Variants in ZKSCAN5 observed in about 807,000 individuals in gnomAD.
The protein encoded by ZKSCAN5 is zinc finger protein with KRAB and SCAN domains 5.
ZKSCAN5 carries 28 observed loss-of-function variants against 60.0 expected under a neutral mutation model. The ratio of observed to expected loss-of-function variants is 0.47; its 90% CI spans 0.35 to 0.64. The LOEUF (loss-of-function observed/expected upper bound fraction) is 0.64, where lower values mean the gene tolerates loss of function less well. ZKSCAN5 is among the 30% of genes least tolerant of loss of function. ZKSCAN5 has a pLI of 0.01. For missense variants in ZKSCAN5, 881 were observed against 1,034.6 expected, an observed-to-expected ratio of 0.85 and a Z score of 2.04; for synonymous variants, 361 against 371.2, an observed-to-expected ratio of 0.97 and a Z score of 0.31.
intron 5 of ZKSCAN5, among the ~76,000 whole-genome samples, chr7:99,523,789 C>T (rs1801651911): frequency 2.0e-5 from 3 of 151,900 alleles, no homozygotes; most frequent in Non-Finnish European, 4.4e-5. Flanking sequence ...GTTTCAGTGT[C>T]TTTTTAGGAA....
At position 99,532,046 on chromosome 7, in the gene ZKSCAN5, C is replaced by T. The variant is rs748695982; in HGVS notation, c.2317C>T (p.His773Tyr). Reference protein sequence around the residue: ...HQKIYSSTKSHQCHECGRGFT... With the variant: ...HQKIYSSTKSYQCHECGRGFT... Reference sequence around the variant, plus strand: ...AAAAATCTACTCCAGCACAAAATCCCATCAATGTCATGAATGTGGCAGAGG... The same window carrying T: ...AAAAATCTACTCCAGCACAAAATCCTATCAATGTCATGAATGTGGCAGAGG... Residue 773 changes from histidine (H) to tyrosine (Y), a missense_variant, in exon 7 of 7, where the codon CAT becomes TAT. Around this residue, in one of 5 missense-constraint regions of ZKSCAN5, gnomAD observed 138 missense variants for 143.8 expected, o/e 0.96. Coordinates refer to ENST00000326775, the MANE Select transcript of ZKSCAN5 (RefSeq NM_145102.4). 4.3e-6 allele frequency: 7 copies of T among 1,614,212 alleles called. No individual in the cohort carries two copies. The highest frequency in any genetic ancestry group is 3.3e-5 in the Admixed American group (2 of 60,028).
At chr7:99,524,949 A>G (rs1417913922) in intron 5 of ZKSCAN5, among the ~76,000 whole-genome samples, 1 of 151,950 alleles carries the variant, frequency 6.6e-6, no homozygotes, top group Non-Finnish European at 1.5e-5. Flanking sequence ...CGGGCAGATC[A>G]CTAGGTCAGG....
intron 3 of ZKSCAN5, among the ~76,000 whole-genome samples, chr7:99,515,847 AAAAG>A (rs1206706037): frequency 2.0e-5 from 3 of 151,966 alleles, no homozygotes; most frequent in African/African-American, 2.4e-5. Flanking sequence ...AAAAAAAAAA[AAAAG>A]AAAGAAATTA....
chr7:99,521,525 TTA>T (rs1489912356), intron 5 of ZKSCAN5, among the ~76,000 whole-genome samples: 1 of 152,184 alleles, frequency 6.6e-6, no homozygotes, highest in African/African-American at 2.4e-5. Flanking sequence ...TTGAAAAACA[TTA>T]TGTCAGTTTA....
chr7:99,525,303 T>G (rs1475386789), intron 5 of ZKSCAN5, among the ~76,000 whole-genome samples: 1 of 151,644 alleles, frequency 6.6e-6, no homozygotes, highest in East Asian at 1.9e-4. Context: ...GAGACCCTCA[T>G]CTCTACAAAA....
chr7:99,526,793 G>A (rs1329200954), intron 6 of ZKSCAN5, among the ~76,000 whole-genome samples: 4 of 152,170 alleles, frequency 2.6e-5, no homozygotes, highest in African/African-American at 7.2e-5. Flanking sequence ...GACCTCAGGC[G>A]ATCTGCCTGC....
In ZKSCAN5 at chr7:99,506,452, ACAG is replaced by A. The variant is rs1226704620; in HGVS notation, c.412_414del (p.Gln138del). The A allele has an allele frequency of 6.2e-7, 1 of 1,608,796 alleles. No homozygotes were observed. Among genetic ancestry groups the A allele is most frequent in the Non-Finnish European group, 8.5e-7 (1 of 1,176,394 alleles). On this transcript the variant is annotated inframe_deletion, in exon 2 of 7. Transcript: ENST00000326775. ...TACAGCGAGAACTTGAGGAACGCAG[ACAG>A]CAGGTGAGTCAAAGAGAAGCTATAT...
At chr7:99,522,478 C>CT (rs757882299) in intron 5 of ZKSCAN5, among the ~76,000 whole-genome samples, 272 of 142,880 alleles carry the variant, frequency 1.9e-3, no homozygotes, top group Admixed American at 2.4e-3. Flanking sequence ...TTTGTTTCCC[C>CT]TTTTTTTTTT....
In ZKSCAN5 at chr7:99,531,355, C is replaced by T; in HGVS notation, c.1626C>T (p.Ser542=). 2.5e-6 allele frequency: 4 copies of T among 1,614,154 alleles called. No individual in the cohort carries two copies. The highest frequency in any genetic ancestry group is 3.4e-6 in the Non-Finnish European group (4 of 1,180,040). Residue 542 remains serine (S), a synonymous_variant, in exon 7 of 7, where the codon TCC becomes TCT. Coordinates refer to ENST00000326775, the MANE Select transcript of ZKSCAN5 (RefSeq NM_145102.4). ...YSEVPYVHKK[S]STGERPHKCN... Reference sequence around the variant, plus strand: ...AAGTCCCATATGTCCACAAAAAATCCTCCACTGGAGAGAGACCACATAAAT... The same window carrying T: ...AAGTCCCATATGTCCACAAAAAATCTTCCACTGGAGAGAGACCACATAAAT...
chr7:99,514,957 G>C (rs1408268322), intron 3 of ZKSCAN5, among the ~76,000 whole-genome samples: 1 of 151,816 alleles, frequency 6.6e-6, no homozygotes, highest in East Asian at 1.9e-4. Context: ...GCACACGCCT[G>C]TGGTCCCGGC....
chr7:99,532,263 T>C lies in ZKSCAN5; in HGVS notation c.*14T>C, dbSNP rs1253297146. Reference sequence around the variant, plus strand: ...TCTCTGTTGTAGAATAGCTCTTAATTTTAGAGAAACCTTCCTGGAGGGAAA... The same window carrying C: ...TCTCTGTTGTAGAATAGCTCTTAATCTTAGAGAAACCTTCCTGGAGGGAAA... On this transcript the variant is annotated 3_prime_UTR_variant, in exon 7 of 7. Transcript: ENST00000326775. 1 of 1,536,938 alleles carries C rather than the reference T, an allele frequency of 6.5e-7. No individual in the cohort carries two copies. The highest frequency in any genetic ancestry group is 2.3e-5 in the East Asian group (1 of 44,330).
intron 1 of ZKSCAN5, chr7:99,505,756 T>G: frequency 3.5e-6 from 1 of 286,650 alleles, no homozygotes. Context: ...TGATGTCAGA[T>G]TTGTATGGCT....
At chr7:99,512,696 T>G in intron 3 of ZKSCAN5, 105 bp downstream of exon 3, 2 of 1,425,310 alleles carry the variant, frequency 1.4e-6, no homozygotes, top group East Asian at 5.1e-5. Flanking sequence ...GAGCAGCCTC[T>G]CTACAGCCTG....
rs564568937 is a variant in ZKSCAN5 at position 99,514,354 on chromosome 7, A to G, written c.553+1763A>G. On this transcript the variant is annotated intron_variant, in intron 3 of 6. Coordinates refer to ENST00000326775, the MANE Select transcript of ZKSCAN5 (RefSeq NM_145102.4). ...GAGAGTACAGCTGTCTTTCTGTGTC[A>G]TCTACTGAGTTGCCTAATAATAGTC... Among the ~76,000 whole-genome samples the G allele has an allele frequency of 2.6e-3, 401 of 152,210 alleles. 1 individual carries two copies. Among genetic ancestry groups the G allele is most frequent in the Middle Eastern group, 0.01 (3 of 294 alleles).
At position 99,518,440 on chromosome 7, in the gene ZKSCAN5, T is replaced by A. The variant is rs943982122; in HGVS notation, c.554-1387T>A. On this transcript the variant is annotated intron_variant, in intron 3 of 6. Transcript: ENST00000326775. ...TGTCTCCAAAAAAAAAAATTTTTTTTAATTAAATTAAAAAATGAAAAAGAA... is the reference window on the plus strand; with the variant it reads ...TGTCTCCAAAAAAAAAAATTTTTTTAAATTAAATTAAAAAATGAAAAAGAA... 6.9e-4 allele frequency among the ~76,000 whole-genome samples: 105 copies of A among 151,888 alleles called. 1 individual carries two copies. The highest frequency in any genetic ancestry group is 1.3e-3 in the African/African-American group (53 of 41,388).
intron 6 of ZKSCAN5, among the ~76,000 whole-genome samples, chr7:99,529,023 AT>A (rs1225528264): frequency 6.6e-6 from 1 of 152,008 alleles, no homozygotes; most frequent in African/African-American, 2.4e-5. Context: ...TTGTTGGCTC[AT>A]TTTGCCTTAT....
intron 1 of ZKSCAN5, chr7:99,505,126 C>G (rs1237553014): frequency 6.6e-6 from 1 of 151,982 alleles, no homozygotes; most frequent in Non-Finnish European, 1.5e-5. Context: ...GCCCGCGTCC[C>G]ATCTCCCCGC....
chr7:99,505,077 G>A (rs1214168288), intron 1 of ZKSCAN5: 1 of 152,312 alleles, frequency 6.6e-6, no homozygotes, highest in Admixed American at 6.6e-5. Context: ...CGGGGGCCCT[G>A]GAGACGTCCG....
intron 2 of ZKSCAN5, among the ~76,000 whole-genome samples, chr7:99,510,296 G>A (rs1033875249): frequency 1.3e-5 from 2 of 151,846 alleles, no homozygotes; most frequent in African/African-American, 4.8e-5. Context: ...CTGGAGTGCA[G>A]TGGCCTGATC....
Sources: allele counts gnomAD v4.1 joint callset (sites outside exome capture counted in the v4.1 genomes callset), GRCh38; gene constraint gnomAD v4.1.1; regional missense constraint gnomAD v4.1.1; transcripts MANE v1.5; gene names NCBI Gene and HGNC (gene_info 2026-07-23, HGNC 2026-07-21).